Variants in MYOZ2 observed in about 807,000 individuals in gnomAD.
MYOZ2 encodes the protein myozenin-2.
In MYOZ2, 19 loss-of-function variants were observed where a neutral mutation model predicts 25.4. The observed-to-expected ratio is 0.75, with a 90% CI of 0.52 to 1.10. The LOEUF (loss-of-function observed/expected upper bound fraction) is 1.10. Ranked by LOEUF, MYOZ2 falls within the 50% of genes least tolerant of loss-of-function variation. The pLI is 0.00. For synonymous variants in MYOZ2, 92 were observed against 106.9 expected (o/e 0.86, Z 0.86); for missense variants, 270 against 317.9 (o/e 0.85, Z 1.15).
intron 2 of MYOZ2, among the ~76,000 whole-genome samples, chr4:119,143,587 T>C (rs1192795995): frequency 6.6e-6 from 1 of 152,232 alleles, no homozygotes; most frequent in East Asian, 1.9e-4. Context: ...ATTCACTCTT[T>C]GTGTTACGCA....
At chr4:119,143,909 T>TA (rs1425835364) in intron 2 of MYOZ2, among the ~76,000 whole-genome samples, 3 of 152,226 alleles carry the variant, frequency 2.0e-5, no homozygotes, top group Non-Finnish European at 2.9e-5. Context: ...TATTTTGAGT[T>TA]TTTTTTAGAT....
chr4:119,154,588 G>A (rs1223226967), intron 3 of MYOZ2, among the ~76,000 whole-genome samples: 1 of 152,012 alleles, frequency 6.6e-6, no homozygotes, highest in Admixed American at 6.6e-5. Context: ...AATTAATGTA[G>A]GTAGAATTAT....
rs191149981 is a variant in MYOZ2 at position 119,154,648 on chromosome 4, A to G, written c.247-3374A>G. 2.9e-3 allele frequency among the ~76,000 whole-genome samples: 448 copies of G among 152,312 alleles called. 3 individuals carry two copies. Among genetic ancestry groups the G allele is most frequent in the Non-Finnish European group, 5.5e-3 (372 of 68,022 alleles). ...TAATGAACACATTCTAGGAACTTAG[A>G]AAACATTACTCTTTGTGCATTATAC... On this transcript the variant is annotated intron_variant, in intron 3 of 5. Coordinates refer to ENST00000307128, the MANE Select transcript of MYOZ2 (RefSeq NM_016599.5).
At chr4:119,152,363 T>C (rs1170630472) in intron 3 of MYOZ2, among the ~76,000 whole-genome samples, 1 of 152,118 alleles carries the variant, frequency 6.6e-6, no homozygotes, top group Non-Finnish European at 1.5e-5. Context: ...GAGAAGGCTC[T>C]CTATGGAGTA....
At chr4:119,146,420 T>C (rs1342390695) in intron 2 of MYOZ2, among the ~76,000 whole-genome samples, 2 of 152,140 alleles carry the variant, frequency 1.3e-5, no homozygotes, top group Non-Finnish European at 2.9e-5. Context: ...TTTGATATGC[T>C]GTATTTTCAA....
At chr4:119,150,744 A>G in intron 2 of MYOZ2, 128 bp from the exon 3 acceptor site, 4 of 913,620 alleles carry the variant, frequency 4.4e-6, no homozygotes, top group Non-Finnish European at 6.8e-6. Context: ...ACTGAGGTTT[A>G]GAGAAAATAA....
chr4:119,154,419 G>C (rs1294927642), intron 3 of MYOZ2, among the ~76,000 whole-genome samples: 14 of 152,084 alleles, frequency 9.2e-5, no homozygotes, highest in Admixed American at 9.2e-4. Context: ...AATTATATAG[G>C]TTACTATCTA....
At chr4:119,178,075 A>C (rs1742115651) in intron 5 of MYOZ2, among the ~76,000 whole-genome samples, 2 of 152,202 alleles carry the variant, frequency 1.3e-5, no homozygotes, top group Admixed American at 1.3e-4. Flanking sequence ...TGTCACATCC[A>C]ATGGTGAATT....
intron 2 of MYOZ2, 131 bp from the exon 3 acceptor site, chr4:119,150,741 T>A: frequency 5.6e-6 from 5 of 892,318 alleles, no homozygotes; most frequent in African/African-American, 1.7e-5. Context: ...GGAACTGAGG[T>A]TTAGAGAAAA....
At chr4:119,138,544 T>C (rs1741088183) in intron 2 of MYOZ2, among the ~76,000 whole-genome samples, 1 of 152,160 alleles carries the variant, frequency 6.6e-6, no homozygotes, top group Non-Finnish European at 1.5e-5. Flanking sequence ...TTTCAAACAT[T>C]TTACAGGAGT....
Position 119,183,818 on chromosome 4 carries a change from T to C in MYOZ2, c.561-2148T>C, listed in dbSNP as rs575607879. 1.6e-3 allele frequency among the ~76,000 whole-genome samples: 247 copies of C among 151,230 alleles called. 1 individual carries two copies. Among genetic ancestry groups the C allele is most frequent in the African/African-American group, 5.8e-3 (240 of 41,306 alleles). On this transcript the variant is annotated intron_variant, in intron 5 of 5. Transcript: ENST00000307128. Reference sequence around the variant, plus strand: ...CTTCCCTCCTTCCACTGTTGTCTTTTTTTTTTTTTTTCCGAGACTGAGTTT... The same window carrying C: ...CTTCCCTCCTTCCACTGTTGTCTTTCTTTTTTTTTTTCCGAGACTGAGTTT...
chr4:119,156,833 C>T (rs1741587618), intron 3 of MYOZ2, among the ~76,000 whole-genome samples: 1 of 152,040 alleles, frequency 6.6e-6, no homozygotes, highest in Admixed American at 6.6e-5. Flanking sequence ...TGAAAGTAGG[C>T]TTTTTTGGAA....
rs529950331 is a variant in MYOZ2 at position 119,152,286 on chromosome 4, A to G, written c.246+1245A>G. ...TTATCAAAAATATCTTGTAAGTATG[A>G]GTCAAAAATAATCCCTACCCCATCT... On this transcript the variant is annotated intron_variant, in intron 3 of 5. Transcript: ENST00000307128. Among the ~76,000 whole-genome samples the G allele has an allele frequency of 6.8e-4, 103 of 152,196 alleles. 1 individual carries two copies. Among genetic ancestry groups the G allele is most frequent in the African/African-American group, 2.5e-3 (102 of 41,556 alleles).
chr4:119,174,756 C>T (rs1023275696), intron 5 of MYOZ2, among the ~76,000 whole-genome samples: 4 of 152,168 alleles, frequency 2.6e-5, no homozygotes, highest in African/African-American at 9.7e-5. Flanking sequence ...CTCGGGTCCC[C>T]TTCCACACAG....
chr4:119,137,565 A>G (rs1408140940), intron 2 of MYOZ2, among the ~76,000 whole-genome samples: 2 of 152,176 alleles, frequency 1.3e-5, no homozygotes, highest in Non-Finnish European at 2.9e-5. Flanking sequence ...TACACCTTCC[A>G]TAAAGCAAGA....
chr4:119,163,130 C>A (rs1741746469), intron 4 of MYOZ2, among the ~76,000 whole-genome samples: 1 of 151,852 alleles, frequency 6.6e-6, no homozygotes, highest in South Asian at 2.1e-4. Context: ...AAGGAGCCTA[C>A]ACAAAAAGAT....
At chr4:119,136,107 C>T (rs1741017496) in intron 1 of MYOZ2, 125 bp downstream of exon 1, 1 of 205,706 alleles carries the variant, frequency 4.9e-6, no homozygotes, top group African/African-American at 2.4e-5. Flanking sequence ...ATGCTACCAC[C>T]AAAGAATTCT....
At chr4:119,183,878 G>A (rs994409724) in intron 5 of MYOZ2, among the ~76,000 whole-genome samples, 1 of 147,538 alleles carries the variant, frequency 6.8e-6, no homozygotes, top group East Asian at 2.0e-4. Context: ...ACAATGGCAC[G>A]ATCTCGGCTC....
At chr4:119,147,698 C>G (rs529544738) in intron 2 of MYOZ2, among the ~76,000 whole-genome samples, 2 of 146,610 alleles carry the variant, frequency 1.4e-5, no homozygotes, top group African/African-American at 5.0e-5. Flanking sequence ...GAGCCAAGAT[C>G]GGGTCACTGC....
Sources: allele counts gnomAD v4.1 joint callset (sites outside exome capture counted in the v4.1 genomes callset), GRCh38; gene constraint gnomAD v4.1.1; transcripts MANE v1.5; gene names NCBI Gene and HGNC (gene_info 2026-07-23, HGNC 2026-07-21).